SNX29: variants seen among roughly 807,000 people sequenced by gnomAD.
SNX29 encodes sorting nexin 29, also known as sorting nexin-29.
SNX29 carries 78 observed loss-of-function variants against 102.1 expected under a neutral mutation model. That is an observed-to-expected ratio of 0.76 (90% CI 0.64 to 0.92). The LOEUF (loss-of-function observed/expected upper bound fraction) is 0.92, where lower values mean the gene tolerates loss of function less well. SNX29 is among the 40% of genes least tolerant of loss of function. The pLI is 0.00. For missense variants in SNX29, 1,280 were observed against 1,061.7 expected, an observed-to-expected ratio of 1.21 and a Z score of -2.86; for synonymous variants, 580 against 414.5, an observed-to-expected ratio of 1.40 and a Z score of -4.85.
chr16:12,562,216 G>T (rs774696785), intron 20 of SNX29, among the ~76,000 whole-genome samples: 1 of 152,122 alleles, frequency 6.6e-6, no homozygotes, highest in African/African-American at 2.4e-5. Flanking sequence ...CCCTGCTGGA[G>T]GTGGCCAAGT....
At chr16:12,293,368 C>T (rs749452788) in intron 15 of SNX29, among the ~76,000 whole-genome samples, 5 of 152,242 alleles carry the variant, frequency 3.3e-5, no homozygotes, top group South Asian at 4.1e-4. Context: ...GCAGAGCTGA[C>T]GTCTGGACCC....
At chr16:12,523,498 A>T (rs2090177296) in intron 19 of SNX29, among the ~76,000 whole-genome samples, 1 of 152,174 alleles carries the variant, frequency 6.6e-6, no homozygotes, top group East Asian at 1.9e-4. Flanking sequence ...TGTCTTTGTT[A>T]CAAGCCAGGG....
At chr16:12,277,531 C>G (rs1192593713) in intron 14 of SNX29, among the ~76,000 whole-genome samples, 1 of 152,226 alleles carries the variant, frequency 6.6e-6, no homozygotes, top group East Asian at 1.9e-4. Context: ...GACTCCTGTG[C>G]TTCTGTCTCA....
intron 19 of SNX29, among the ~76,000 whole-genome samples, chr16:12,491,837 T>C (rs2088563886): frequency 6.6e-6 from 1 of 152,248 alleles, no homozygotes; most frequent in African/African-American, 2.4e-5. Flanking sequence ...GCTTCATCCA[T>C]GTCTGTACAA....
At chr16:12,044,295 T>A (rs2050001983) in intron 5 of SNX29, among the ~76,000 whole-genome samples, 1 of 152,234 alleles carries the variant, frequency 6.6e-6, no homozygotes, top group African/African-American at 2.4e-5. Flanking sequence ...TCTCCTCTTC[T>A]GCTTTATCTA....
At chr16:12,049,755 C>T (rs1229357447) in intron 7 of SNX29, among the ~76,000 whole-genome samples, 2 of 151,952 alleles carry the variant, frequency 1.3e-5, no homozygotes, top group Non-Finnish European at 2.9e-5. Context: ...GATGTTACTA[C>T]AGCAAAATTG....
At chr16:12,327,729 GAGAGAC>G (rs2081163700) in intron 15 of SNX29, among the ~76,000 whole-genome samples, 2 of 126,462 alleles carry the variant, frequency 1.6e-5, no homozygotes, top group South Asian at 8.6e-4. Flanking sequence ...CAGAGCCGGA[GAGAGAC>G]AGAGAGAGGA....
intron 10 of SNX29, among the ~76,000 whole-genome samples, chr16:12,076,469 T>G (rs1400281491): frequency 6.6e-6 from 1 of 152,032 alleles, no homozygotes; most frequent in African/African-American, 2.4e-5. Flanking sequence ...CCCGGCTAAT[T>G]TTTGTATTTT....
chr16:12,559,750 C>T (rs1291408025), intron 20 of SNX29, among the ~76,000 whole-genome samples: 3 of 152,118 alleles, frequency 2.0e-5, no homozygotes, highest in African/African-American at 7.2e-5. Flanking sequence ...TGATGCCCAG[C>T]CTGACAGCAG....
intron 3 of SNX29, among the ~76,000 whole-genome samples, chr16:12,007,818 G>C (rs1292635592): frequency 6.6e-6 from 1 of 152,206 alleles, no homozygotes; most frequent in Non-Finnish European, 1.5e-5. Flanking sequence ...AAACCTCCCA[G>C]CTGCCTTGTC....
At chr16:12,560,884 G>C (rs909966078) in intron 20 of SNX29, 5 of 189,562 alleles carry the variant, frequency 2.6e-5, no homozygotes, top group African/African-American at 1.2e-4. Context: ...TTCAAGATTT[G>C]ACAAGCAGTG....
chr16:12,167,203 C>T (rs2076036384), intron 13 of SNX29, among the ~76,000 whole-genome samples: 1 of 152,100 alleles, frequency 6.6e-6, no homozygotes, highest in Admixed American at 6.6e-5. Context: ...TCTTTGTTTC[C>T]CTCATGAGAA....
chr16:12,547,130 C>A (rs111502292), intron 20 of SNX29, among the ~76,000 whole-genome samples: 5 of 150,262 alleles, frequency 3.3e-5, no homozygotes, highest in Non-Finnish European at 7.4e-5. Flanking sequence ...ACATCACAGT[C>A]ATCACAGAGG....
chr16:12,168,615 G>C (rs1030752777), intron 13 of SNX29, among the ~76,000 whole-genome samples: 2 of 152,204 alleles, frequency 1.3e-5, no homozygotes, highest in African/African-American at 2.4e-5. Context: ...GGGCATTGGC[G>C]TGGTTTCTGG....
chr16:12,091,026 AAAAAAAAAAAAAG>A (rs1428761721), intron 11 of SNX29, among the ~76,000 whole-genome samples: 1 of 134,346 alleles, frequency 7.4e-6, no homozygotes, highest in East Asian at 2.2e-4. Context: ...AAAAAAAAAA[AAAAAAAAAAAAAG>A]AAAGAAAAAG....
intron 20 of SNX29, among the ~76,000 whole-genome samples, chr16:12,555,876 T>C (rs1295380870): frequency 1.3e-5 from 2 of 152,098 alleles, no homozygotes; most frequent in Non-Finnish European, 2.9e-5. Context: ...CCAGAGGCCG[T>C]GCTTTCTGCC....
chr16:12,207,479 A>G (rs2142014583), intron 14 of SNX29, among the ~76,000 whole-genome samples: 1 of 152,320 alleles, frequency 6.6e-6, no homozygotes, highest in South Asian at 2.1e-4. Flanking sequence ...CTGCTCCCGC[A>G]AGAATCCGCT....
At chr16:12,377,675 G>A (rs1254830880) in intron 16 of SNX29, among the ~76,000 whole-genome samples, 1 of 152,218 alleles carries the variant, frequency 6.6e-6, no homozygotes, top group African/African-American at 2.4e-5. Context: ...GGTGGTTACG[G>A]TGGTGATGGG....
chr16:12,206,458 G>A (rs1422208073), intron 14 of SNX29, among the ~76,000 whole-genome samples: 1 of 148,852 alleles, frequency 6.7e-6, no homozygotes, highest in Non-Finnish European at 1.5e-5. Context: ...CTCCTTCTAT[G>A]TCTGATTTCA....
Sources: allele counts gnomAD v4.1 joint callset (sites outside exome capture counted in the v4.1 genomes callset), GRCh38; gene constraint gnomAD v4.1.1; transcripts MANE v1.5; gene names NCBI Gene and HGNC (gene_info 2026-07-23, HGNC 2026-07-21).